Variants in PLCB1 observed in about 807,000 individuals in gnomAD.
The protein encoded by PLCB1 is phospholipase C beta 1, also known as 1-phosphatidylinositol 4,5-bisphosphate phosphodiesterase beta-1.
A neutral mutation model predicts 161.8 loss-of-function variants in PLCB1; 46 were observed. That is an observed-to-expected ratio of 0.28 (90% CI 0.22 to 0.36). PLCB1 has a LOEUF of 0.36. Ranked by LOEUF, PLCB1 falls within the 10% of genes least tolerant of loss-of-function variation. PLCB1 has a pLI of 1.00. For synonymous variants in PLCB1, 517 were observed against 503.7 expected (o/e 1.03, Z -0.35); for missense variants, 1,016 against 1,472.5 (o/e 0.69, Z 5.07).
rs1199849266 is a variant in PLCB1, at chr20:8,658,560, C to T, written c.718C>T (p.Leu240Phe). The change falls in exon 9 of 32, where the codon CTT (leucine) becomes TTT (phenylalanine). Residue 240 changes from leucine to phenylalanine, a missense_variant. Physicochemically the swap from Leu to Phe is conservative, Grantham distance 22. This residue lies in a region of PLCB1 where 117 missense variants were observed against 142.2 expected (regional missense o/e 0.82). Transcript: ENST00000338037. ...SEFGAKSKPY[L>F]TVDQMMDFIN... The stretch of plus-strand genomic sequence containing the variant: ...TAGTGGTGCAAAAAGCAAACCATAT[C>T]TTACCGTTGATCAGATGATGGATTT... The T allele has an allele frequency of 1.2e-6, 2 of 1,608,832 alleles. No homozygotes were observed. Among genetic ancestry groups the T allele is most frequent in the South Asian group, 1.1e-5 (1 of 89,936 alleles).
At position 8,154,468 on chromosome 20, in the gene PLCB1, T is replaced by A. The variant is rs116322399; in HGVS notation, c.177+4097T>A. Among the ~76,000 whole-genome samples, 1,024 of 152,274 alleles carry A rather than the reference T, an allele frequency of 6.7e-3. 12 individuals carry two copies. Among genetic ancestry groups the A allele is most frequent in the African/African-American group, 0.023 (968 of 41,570 alleles). On this transcript the variant is annotated intron_variant, in intron 2 of 31. Transcript: ENST00000338037. ...CTCTCTGGGAATATGGGTCAGGGAT[T>A]CCCTAAGGTAAATGCTCAGAAGTGC...
At chr20:8,472,524 T>G (rs2122719225) in intron 3 of PLCB1, among the ~76,000 whole-genome samples, 1 of 152,238 alleles carries the variant, frequency 6.6e-6, no homozygotes, top group East Asian at 1.9e-4. Flanking sequence ...ACCATTACTT[T>G]ATAGAACAAC....
chr20:8,871,652 T>C (rs1987613316), intron 31 of PLCB1, among the ~76,000 whole-genome samples: 1 of 152,132 alleles, frequency 6.6e-6, no homozygotes, highest in Non-Finnish European at 1.5e-5. Flanking sequence ...CAAAATACCA[T>C]TTATTGACAA....
chr20:8,881,328 CGTGTGTGTGT>C (rs3222517), intron 31 of PLCB1, among the ~76,000 whole-genome samples: 61 of 128,978 alleles, frequency 4.7e-4, no homozygotes, highest in African/African-American at 1.4e-3. Context: ...TCAAAAGACC[CGTGTGTGTGT>C]GTGTGTGTGT....
intron 2 of PLCB1, among the ~76,000 whole-genome samples, chr20:8,151,737 T>C (rs1254033905): frequency 6.6e-6 from 1 of 152,190 alleles, no homozygotes; most frequent in African/African-American, 2.4e-5. Context: ...TCATGAACGA[T>C]GTACTTATAA....
intron 3 of PLCB1, among the ~76,000 whole-genome samples, chr20:8,561,991 T>A (rs1986154906): frequency 6.6e-6 from 1 of 152,074 alleles, no homozygotes; most frequent in Non-Finnish European, 1.5e-5. Flanking sequence ...CAAAGTCTAG[T>A]TAAGCTTGCT....
At chr20:8,791,975 C>A (rs951860249) in intron 31 of PLCB1, 1 of 152,156 alleles carries the variant, frequency 6.6e-6, no homozygotes, top group East Asian at 1.9e-4. Flanking sequence ...ATTTAGTAAG[C>A]CACGTTACTG....
intron 31 of PLCB1, among the ~76,000 whole-genome samples, chr20:8,794,034 T>G (rs1323293950): frequency 1.3e-5 from 2 of 152,252 alleles, no homozygotes; most frequent in Non-Finnish European, 2.9e-5. Flanking sequence ...AATATGGCTC[T>G]GTTCTGCCCG....
At chr20:8,450,608 A>G (rs1221181073) in intron 3 of PLCB1, among the ~76,000 whole-genome samples, 1 of 152,130 alleles carries the variant, frequency 6.6e-6, no homozygotes, top group Non-Finnish European at 1.5e-5. Flanking sequence ...TCAGTGCTTC[A>G]AGCAGAGTAC....
At chr20:8,349,687 A>T (rs1027727252) in intron 2 of PLCB1, among the ~76,000 whole-genome samples, 1 of 152,192 alleles carries the variant, frequency 6.6e-6, no homozygotes, top group Non-Finnish European at 1.5e-5. Flanking sequence ...CTGAAAAATT[A>T]GGGCATTTAA....
chr20:8,866,002 C>T (rs1014685053), intron 31 of PLCB1, among the ~76,000 whole-genome samples: 7 of 152,154 alleles, frequency 4.6e-5, no homozygotes, highest in African/African-American at 9.7e-5. Flanking sequence ...AGTAAAGTGA[C>T]GACTTTGTAT....
chr20:8,230,985 C>A (rs1391450375), intron 2 of PLCB1, among the ~76,000 whole-genome samples: 1 of 152,072 alleles, frequency 6.6e-6, no homozygotes, highest in Non-Finnish European at 1.5e-5. Context: ...CTCATTGTTC[C>A]TTTACCTTGA....
chr20:8,308,509 C>T (rs935193447), intron 2 of PLCB1, among the ~76,000 whole-genome samples: 6 of 150,442 alleles, frequency 4.0e-5, no homozygotes, highest in African/African-American at 9.8e-5. Flanking sequence ...CCCAGCTACT[C>T]GGGAGGCTGA....
chr20:8,788,536 A>G lies in PLCB1; in HGVS notation c.3188+11A>G, dbSNP rs775255235. On this transcript the variant is annotated intron_variant, in intron 28 of 31. Transcript: ENST00000338037. ...AGAAATCTGTGAGAAGTAAGCCCTC[A>G]TTCCCATTACAATTGACATGTGCAT... 6.2e-7 allele frequency: 1 copy of G among 1,610,884 alleles called. No individual in the cohort carries two copies. Among genetic ancestry groups the G allele is most frequent in the South Asian group, 1.1e-5 (1 of 90,528 alleles).
At chr20:8,635,129 T>C (rs1043434409) in intron 4 of PLCB1, among the ~76,000 whole-genome samples, 13 of 152,188 alleles carry the variant, frequency 8.5e-5, no homozygotes, top group Admixed American at 7.9e-4. Context: ...TAATTATCAA[T>C]CAGTGTGTCT....
At chr20:8,207,326 A>G (rs1044192227) in intron 2 of PLCB1, among the ~76,000 whole-genome samples, 3 of 152,188 alleles carry the variant, frequency 2.0e-5, no homozygotes, top group African/African-American at 7.2e-5. Context: ...AGTTTATATT[A>G]TACGGAACAA....
chr20:8,335,863 A>G (rs1985554967), intron 2 of PLCB1, among the ~76,000 whole-genome samples: 1 of 152,202 alleles, frequency 6.6e-6, no homozygotes, highest in South Asian at 2.1e-4. Context: ...TAAATGAAGA[A>G]GTTATTAGCC....
chr20:8,300,234 C>A (rs940725784), intron 2 of PLCB1, among the ~76,000 whole-genome samples: 1 of 152,152 alleles, frequency 6.6e-6, no homozygotes, highest in Non-Finnish European at 1.5e-5. Flanking sequence ...ATATCAAGTA[C>A]GAGTATTTGT....
intron 31 of PLCB1, among the ~76,000 whole-genome samples, chr20:8,867,289 C>T (rs1039421647): frequency 6.6e-6 from 1 of 152,210 alleles, no homozygotes; most frequent in Non-Finnish European, 1.5e-5. Flanking sequence ...AGGACCCCCA[C>T]AGGAAAAAGC....
Sources: gnomAD v4.1 joint callset for allele counts (sites outside exome capture counted in the v4.1 genomes callset) on GRCh38, gnomAD v4.1.1 for gene constraint, gnomAD v4.1.1 regional missense constraint, MANE v1.5 for transcripts, NCBI Gene and HGNC (gene_info 2026-07-23, HGNC 2026-07-21) for gene names.